The following SCML1 variants were observed in gnomAD, a reference collection of about 807,000 sequenced individuals.
SCML1 encodes Scm polycomb group protein like 1.
For missense variants in SCML1, 137 were observed against 258.1 expected (o/e 0.53, Z 3.22); for synonymous variants, 104 against 103.6 (o/e 1.00, Z -0.02).
At chrX:17,745,022 A>T (rs1347891866) in intron 2 of SCML1, 1 of 113,003 alleles carries the variant, frequency 8.8e-6, no homozygotes, top group Non-Finnish European at 1.9e-5. Context: ...TCTTATTTTT[A>T]AAAGTTTTAA....
intron 2 of SCML1, 30 bp from the exon 3 acceptor site, chrX:17,745,426 C>G: frequency 4.5e-6 from 4 of 887,995 alleles, no homozygotes; most frequent in Non-Finnish European, 6.5e-6. Context: ...TTTCATCTTC[C>G]CTTTTAATTT....
intron 3 of SCML1, 100 bp from the exon 4 acceptor site, chrX:17,745,918 A>G: frequency 2.2e-6 from 1 of 446,948 alleles, no homozygotes; most frequent in Admixed American, 3.9e-5. Context: ...GGTGATAAAT[A>G]AAAACAATTT....
At chrX:17,737,421 C>T (rs1470461080), upstream of SCML1, 24 of 1,236 alleles carry the variant, frequency 0.019, no homozygotes, top group African/African-American at 0.043. Flanking sequence ...CGGGTAGTCC[C>T]GCCCCCCCCC....
chrX:17,738,085 CAT>C (rs1327214283), intron 1 of SCML1: 1 of 112,678 alleles, frequency 8.9e-6, no homozygotes, highest in Non-Finnish European at 1.9e-5. Flanking sequence ...GCGGTTGAGA[CAT>C]AGAGTCTGAG....
At chrX:17,745,323 C>T (rs1277526503) in intron 2 of SCML1, 133 bp from the exon 3 acceptor site, 3 of 455,916 alleles carry the variant, frequency 6.6e-6, no homozygotes, top group Middle Eastern at 3.6e-4. Flanking sequence ...ATAGTATTTA[C>T]AGTGAGCAAA....
In SCML1 at chrX:17,753,247, T is replaced by G; in HGVS notation, c.856-11T>G. On this transcript the variant is annotated splice_polypyrimidine_tract_variant and intron_variant, in intron 7 of 7. Transcript: ENST00000380041. ...CATTATTAATTATCGTTAAGTTTCT[T>G]CTCTCCATAGGAAATTGACGGGAAG... is the stretch of plus-strand genomic sequence containing the variant. 1 of 1,115,312 alleles carries G rather than the reference T, an allele frequency of 9.0e-7. No individual in the cohort carries two copies. The highest frequency in any genetic ancestry group is 3.0e-5 in the Admixed American group (1 of 32,814). 91.9% of individuals were successfully genotyped at this position (1,115,312 alleles called of 1,213,427 possible).
At chrX:17,740,804 G>A (rs1313219639) in intron 1 of SCML1, among the ~76,000 whole-genome samples, 1 of 112,405 alleles carries the variant, frequency 8.9e-6, no homozygotes, top group Non-Finnish European at 1.9e-5. Flanking sequence ...TCTCCTAGGC[G>A]GAGACACAAC....
Position 17,747,388 on chromosome X carries a change from T to A in SCML1, c.198+1290T>A, listed in dbSNP as rs1435569794. On this transcript the variant is annotated intron_variant, in intron 4 of 7. Coordinates refer to ENST00000380041, the MANE Select transcript of SCML1 (RefSeq NM_001037540.3). ...TCCCACATCTTGGAGAAGCCACTTCTCTTGCTTCCCATCCCTCCTTTCCTG... is the reference window on the plus strand; with the variant it reads ...TCCCACATCTTGGAGAAGCCACTTCACTTGCTTCCCATCCCTCCTTTCCTG... Among the ~76,000 whole-genome samples the A allele has an allele frequency of 1.8e-5, 2 of 111,340 alleles. 1 individual carries two copies. Among genetic ancestry groups the A allele is most frequent in the East Asian group, 5.7e-4 (2 of 3,517 alleles).
chrX:17,745,921 A>G, intron 3 of SCML1, 97 bp from the exon 4 acceptor site: 1 of 456,478 alleles, frequency 2.2e-6, no homozygotes, highest in South Asian at 6.1e-5. Flanking sequence ...GATAAATAAA[A>G]ACAATTTAAA....
chrX:17,745,612 A>G lies in SCML1; in HGVS notation c.117+73A>G, dbSNP rs181552185. 133 of 555,553 alleles carry G rather than the reference A, an allele frequency of 2.4e-4. No individual in the cohort carries two copies. In the East Asian group the frequency reaches 4.5e-3, roughly 19 times the overall value. The allele number at this position is 555,553 out of a possible 1,213,427, so 45.8% of individuals were successfully genotyped here. A position where few individuals can be genotyped will look rare whatever the true frequency, so the allele number is the denominator to read the frequency against. ...AGGAAAAGATGTAAATTCCTCGTAT[A>G]CTATGGAGTTCCCGTAAACTCACAC... On this transcript the variant is annotated intron_variant, in intron 3 of 7. Coordinates refer to ENST00000380041, the MANE Select transcript of SCML1 (RefSeq NM_001037540.3).
rs1365150250 is a variant in SCML1, at chrX:17,745,452, T to C, written c.34-4T>C. On this transcript the variant is annotated splice_region_variant and splice_polypyrimidine_tract_variant and intron_variant, in intron 2 of 7. Coordinates refer to ENST00000380041, the MANE Select transcript of SCML1 (RefSeq NM_001037540.3). The stretch of plus-strand genomic sequence containing the variant: ...CTTTTAATTTGTTGGTAAATTTTCC[T>C]CAGATAAAAACAAGAATACCTACTT... 3.6e-6 allele frequency: 4 copies of C among 1,107,780 alleles called. No homozygotes were observed. Among genetic ancestry groups the C allele is most frequent in the Non-Finnish European group, 4.9e-6 (4 of 809,824 alleles). The allele number at this position is 1,107,780 out of a possible 1,213,427, so 91.3% of individuals were successfully genotyped here.
At chrX:17,744,374 TGTGTACAA>T in intron 2 of SCML1, 155 bp downstream of exon 2, 1 of 378,702 alleles carries the variant, frequency 2.6e-6, no homozygotes, top group Non-Finnish European at 4.4e-6. Flanking sequence ...TGTGACAATT[TGTGTACAA>T]GTTTCTTTGT....
Position 17,753,254 on chromosome X carries a change from A to G in SCML1, c.856-4A>G, listed in dbSNP as rs372800120. On this transcript the variant is annotated splice_polypyrimidine_tract_variant and splice_region_variant and intron_variant, in intron 7 of 7. Coordinates refer to ENST00000380041, the MANE Select transcript of SCML1 (RefSeq NM_001037540.3). ...AATTATCGTTAAGTTTCTTCTCTCC[A>G]TAGGAAATTGACGGGAAGGCTCTGC... 92 of 1,131,394 alleles carry G rather than the reference A, an allele frequency of 8.1e-5. No individual in the cohort carries two copies. Among genetic ancestry groups the G allele is most frequent in the Non-Finnish European group, 1.0e-4 (87 of 854,256 alleles). 93.2% of individuals were successfully genotyped at this position (1,131,394 alleles called of 1,213,427 possible). A position where few individuals can be genotyped will look rare whatever the true frequency, so the allele number is the denominator to read the frequency against.
rs193258454 is a variant in SCML1, at chrX:17,749,587, C to A, written c.303+83C>A. On this transcript the variant is annotated intron_variant, in intron 5 of 7. Transcript: ENST00000380041. ...CCAATGAGCTAGAAGTGAGAGAGTA[C>A]CAGTATCTGTGTGAGATTAGCAAGG... 133 of 600,561 alleles carry A rather than the reference C, an allele frequency of 2.2e-4. No homozygotes were observed. The African/African-American group carries it at 2.7e-3, about 12-fold the overall frequency. The allele number at this position is 600,561 out of a possible 1,213,427, so 49.5% of individuals were successfully genotyped here.
chrX:17,747,685 C>T (rs2066655322), intron 4 of SCML1, among the ~76,000 whole-genome samples: 1 of 112,075 alleles, frequency 8.9e-6, no homozygotes, highest in South Asian at 3.8e-4. Flanking sequence ...CTGTTCCCAC[C>T]TGTGTCACGC....
At chrX:17,752,135 G>A (rs1290442197) in intron 7 of SCML1, among the ~76,000 whole-genome samples, 169 bp downstream of exon 7, 1 of 111,864 alleles carries the variant, frequency 8.9e-6, no homozygotes, top group Non-Finnish European at 1.9e-5. Context: ...TAGGCTAATG[G>A]TCTGTTCTTT....
chrX:17,749,531 A>C (rs932993675), intron 5 of SCML1, 27 bp downstream of exon 5: 1 of 917,156 alleles, frequency 1.1e-6, no homozygotes, highest in Admixed American at 2.5e-5. Context: ...ACATTTTTAC[A>C]ACTGTGATAA....
In SCML1 at chrX:17,754,670, C is replaced by T. The variant is rs1310978533; in HGVS notation, c.*1278C>T. On this transcript the variant is annotated 3_prime_UTR_variant, in exon 8 of 8. Transcript: ENST00000380041. ...CATTGTGTAACAAATATAAGGTTTA[C>T]GAGCTATGAGAATTGGTGCTATCAC... 1 of 112,571 alleles carries T rather than the reference C, an allele frequency of 8.9e-6. No homozygotes were observed. Among genetic ancestry groups the T allele is most frequent in the Non-Finnish European group, 1.9e-5 (1 of 53,240 alleles). 9.3% of individuals were successfully genotyped at this position (112,571 alleles called of 1,213,427 possible).
rs773120235 is a variant in SCML1, at chrX:17,752,346, A to G, written c.855+380A>G. ...AACAGGGTGGCCTTCGTTTTATATAACCAGTGATTCAACAACTGATTCCAT... is the reference window on the plus strand; with the variant it reads ...AACAGGGTGGCCTTCGTTTTATATAGCCAGTGATTCAACAACTGATTCCAT... On this transcript the variant is annotated intron_variant, in intron 7 of 7. Transcript: ENST00000380041. Among the ~76,000 whole-genome samples the G allele has an allele frequency of 3.6e-5, 4 of 112,078 alleles. No homozygotes were observed. The South Asian group carries it at 1.5e-3, about 42-fold the overall frequency.
Sources: gnomAD v4.1 joint callset for allele counts (sites outside exome capture counted in the v4.1 genomes callset) on GRCh38, gnomAD v4.1.1 for gene constraint, MANE v1.5 for transcripts, NCBI Gene and HGNC (gene_info 2026-07-23, HGNC 2026-07-21) for gene names.